Variants in EPB41L2 observed in about 807,000 individuals in gnomAD.
EPB41L2 encodes the protein erythrocyte membrane protein band 4.1 like 2.
EPB41L2 carries 43 observed loss-of-function variants against 113.0 expected under a neutral mutation model. The observed-to-expected ratio is 0.38, with a 90% CI of 0.30 to 0.49. The LOEUF (loss-of-function observed/expected upper bound fraction) is 0.49, where lower values mean the gene tolerates loss of function less well. Ranked by LOEUF, EPB41L2 falls within the 20% of genes least tolerant of loss-of-function variation. The pLI is 0.95. For missense variants in EPB41L2, 1,147 were observed against 1,223.4 expected (o/e 0.94, Z 0.93); for synonymous variants, 442 against 436.7 (o/e 1.01, Z -0.15).
chr6:130,874,650 T>C (rs1786914000), intron 14 of EPB41L2, among the ~76,000 whole-genome samples: 1 of 152,208 alleles, frequency 6.6e-6, no homozygotes, highest in Non-Finnish European at 1.5e-5. Context: ...CAAAAAAGTA[T>C]GTATTTTCCT....
chr6:130,930,062 G>A (rs1421827653), intron 3 of EPB41L2, among the ~76,000 whole-genome samples: 1 of 152,096 alleles, frequency 6.6e-6, no homozygotes, highest in South Asian at 2.1e-4. Flanking sequence ...AAAAAGAGCA[G>A]CAGAGTGAGA....
chr6:130,937,897 G>C (rs1192265806), intron 3 of EPB41L2, among the ~76,000 whole-genome samples: 1 of 151,468 alleles, frequency 6.6e-6, no homozygotes, highest in Admixed American at 6.6e-5. Flanking sequence ...CTATATTTGA[G>C]TCTACCTTTG....
intron 1 of EPB41L2, among the ~76,000 whole-genome samples, chr6:130,978,060 C>T (rs1778572194): frequency 6.6e-6 from 1 of 152,174 alleles, no homozygotes; most frequent in Non-Finnish European, 1.5e-5. Context: ...AAAATTCTAT[C>T]CCTACCTAAC....
chr6:130,873,064 C>T (rs1038247064), intron 14 of EPB41L2, among the ~76,000 whole-genome samples: 2 of 152,168 alleles, frequency 1.3e-5, no homozygotes, highest in African/African-American at 4.8e-5. Flanking sequence ...ACTCCAACTC[C>T]TACAATCTCC....
At chr6:130,921,706 A>G (rs186167846) in intron 4 of EPB41L2, among the ~76,000 whole-genome samples, 84 of 152,360 alleles carry the variant, frequency 5.5e-4, no homozygotes, top group African/African-American at 1.9e-3. Flanking sequence ...ATCTGCTTTA[A>G]TATACCAATA....
intron 1 of EPB41L2, among the ~76,000 whole-genome samples, chr6:130,983,673 C>A (rs1779883244): frequency 6.6e-6 from 1 of 151,946 alleles, no homozygotes; most frequent in Non-Finnish European, 1.5e-5. Context: ...GGACTACAGG[C>A]ACACACCACC....
chr6:130,972,323 C>CA (rs56878009), intron 1 of EPB41L2, among the ~76,000 whole-genome samples: 1,268 of 76,322 alleles, frequency 0.017, 11 homozygotes, highest in East Asian at 0.099. Context: ...GACTCCATCT[C>CA]AAAAAAAAAA....
chr6:130,974,388 C>CTAAGA (rs1777640172), intron 1 of EPB41L2, among the ~76,000 whole-genome samples: 1 of 152,212 alleles, frequency 6.6e-6, no homozygotes, highest in East Asian at 1.9e-4. Flanking sequence ...GCAGCACGAG[C>CTAAGA]TAAGATGCCT....
intron 1 of EPB41L2, among the ~76,000 whole-genome samples, chr6:131,028,363 C>T (rs1294804615): frequency 6.6e-6 from 1 of 152,132 alleles, no homozygotes; most frequent in Non-Finnish European, 1.5e-5. Flanking sequence ...ATTGGGTCAT[C>T]CCTTAGTGCA....
chr6:131,060,341 A>C (rs1562820196), intron 1 of EPB41L2, among the ~76,000 whole-genome samples: 1 of 152,264 alleles, frequency 6.6e-6, no homozygotes, highest in Non-Finnish European at 1.5e-5. Context: ...GCAGAACCTG[A>C]TGTTAAACAT....
chr6:131,034,984 C>G (rs574728648), intron 1 of EPB41L2, among the ~76,000 whole-genome samples: 1 of 152,298 alleles, frequency 6.6e-6, no homozygotes, highest in East Asian at 1.9e-4. Context: ...AACTGCCTGA[C>G]TACAAAAGGA....
intron 11 of EPB41L2, among the ~76,000 whole-genome samples, chr6:130,888,264 T>C (rs6938586): frequency 0.28 from 43,278 of 152,050 alleles, 8,072 homozygotes; most frequent in African/African-American, 0.52. Flanking sequence ...TGGTCATGTA[T>C]TGGCGTTAAA....
intron 1 of EPB41L2, among the ~76,000 whole-genome samples, chr6:131,051,325 T>C (rs948980815): frequency 6.6e-6 from 1 of 151,990 alleles, no homozygotes; most frequent in African/African-American, 2.4e-5. Context: ...TGGAATTTTG[T>C]TTTTAATCAA....
At chr6:130,890,829 A>G (rs1446033097) in intron 10 of EPB41L2, among the ~76,000 whole-genome samples, 1 of 152,244 alleles carries the variant, frequency 6.6e-6, no homozygotes, top group African/African-American at 2.4e-5. Context: ...ATCCATTACC[A>G]TTAGTAATTC....
At chr6:130,994,492 C>T (rs562239014) in intron 1 of EPB41L2, among the ~76,000 whole-genome samples, 29 of 152,210 alleles carry the variant, frequency 1.9e-4, no homozygotes, top group African/African-American at 6.3e-4. Flanking sequence ...GAATGAACAG[C>T]CCCTGCAGAC....
In EPB41L2 at chr6:130,852,953, T is replaced by C. The variant is rs530908129; in HGVS notation, c.*5+5178A>G. Reference sequence around the variant, plus strand: ...CCCAGCACGAAGCTTAAGTGAAACATCTCTGATGCTCTATTCTGATTCAGA... The same window carrying C: ...CCCAGCACGAAGCTTAAGTGAAACACCTCTGATGCTCTATTCTGATTCAGA... On this transcript the variant is annotated intron_variant, in intron 19 of 19. Transcript: ENST00000337057. 4.6e-5 allele frequency among the ~76,000 whole-genome samples: 7 copies of C among 152,338 alleles called. No individual in the cohort carries two copies. The East Asian group carries it at 1.4e-3, about 29-fold the overall frequency.
intron 1 of EPB41L2, among the ~76,000 whole-genome samples, chr6:131,024,133 G>A (rs1790279869): frequency 6.6e-6 from 1 of 152,130 alleles, no homozygotes; most frequent in Non-Finnish European, 1.5e-5. Flanking sequence ...AAGGGTGAGG[G>A]CAGGCCAAAA....
chr6:130,900,836 T>C, intron 7 of EPB41L2, 126 bp downstream of exon 7: 3 of 1,042,574 alleles, frequency 2.9e-6, no homozygotes, highest in Non-Finnish European at 2.9e-6. Context: ...TGATTAGTGC[T>C]AGGTGAAACT....
At chr6:130,988,036 C>T (rs1780983812) in intron 1 of EPB41L2, among the ~76,000 whole-genome samples, 1 of 151,832 alleles carries the variant, frequency 6.6e-6, no homozygotes, top group South Asian at 2.1e-4. Context: ...AAGTTGCTTG[C>T]ACCCAGGAGG....
Sources: allele counts gnomAD v4.1 joint callset (sites outside exome capture counted in the v4.1 genomes callset), GRCh38; gene constraint gnomAD v4.1.1; transcripts MANE v1.5; gene names NCBI Gene and HGNC (gene_info 2026-07-23, HGNC 2026-07-21).